Variants in ZCCHC7 observed in about 807,000 individuals in gnomAD.
ZCCHC7 encodes the protein zinc finger CCHC domain-containing protein 7.
ZCCHC7 carries 35 observed loss-of-function variants against 52.0 expected under a neutral mutation model. That is an observed-to-expected ratio of 0.67 (90% CI 0.51 to 0.89). The LOEUF (loss-of-function observed/expected upper bound fraction) is 0.89, where lower values mean the gene tolerates loss of function less well. Ranked by LOEUF, ZCCHC7 falls within the 40% of genes least tolerant of loss-of-function variation. The pLI, the probability that ZCCHC7 is intolerant of heterozygous loss-of-function variation, is 0.00. For missense variants in ZCCHC7, 574 were observed against 649.1 expected (o/e 0.88, Z 1.26); for synonymous variants, 217 against 221.5 (o/e 0.98, Z 0.18).
intron 5 of ZCCHC7, among the ~76,000 whole-genome samples, chr9:37,310,676 C>A (rs192734016): frequency 2.0e-5 from 3 of 152,230 alleles, no homozygotes; most frequent in Admixed American, 2.0e-4. Context: ...ATCTCCTACT[C>A]GGAGGATCTC....
chr9:37,152,702 A>G (rs946601420), intron 2 of ZCCHC7, among the ~76,000 whole-genome samples: 1 of 152,266 alleles, frequency 6.6e-6, no homozygotes, highest in Non-Finnish European at 1.5e-5. Context: ...CACATCAAGT[A>G]TAAAATGCTA....
chr9:37,167,966 G>A (rs1205320829), intron 2 of ZCCHC7, among the ~76,000 whole-genome samples: 2 of 152,060 alleles, frequency 1.3e-5, no homozygotes, highest in Non-Finnish European at 2.9e-5. Context: ...ACACTTTGCC[G>A]AATATTCAGA....
chr9:37,269,636 AAAAAAAAAAAC>A (rs1564214516), intron 2 of ZCCHC7, among the ~76,000 whole-genome samples: 8 of 148,512 alleles, frequency 5.4e-5, no homozygotes, highest in South Asian at 2.1e-4. Context: ...AAAAAAAAAA[AAAAAAAAAAAC>A]AAAAGAAGTT....
intron 2 of ZCCHC7, among the ~76,000 whole-genome samples, chr9:37,258,710 C>A (rs1332961761): frequency 7.9e-6 from 1 of 126,880 alleles, no homozygotes; most frequent in Non-Finnish European, 1.6e-5. Flanking sequence ...CGTGATTGTT[C>A]GTGCCACTGC....
At chr9:37,314,671 G>A (rs1381535211) in intron 5 of ZCCHC7, among the ~76,000 whole-genome samples, 1 of 151,628 alleles carries the variant, frequency 6.6e-6, no homozygotes, top group Non-Finnish European at 1.5e-5. Flanking sequence ...CTAGTACGTG[G>A]GAGGATGAAG....
intron 2 of ZCCHC7, among the ~76,000 whole-genome samples, chr9:37,229,643 C>G (rs533080592): frequency 6.6e-6 from 1 of 152,104 alleles, no homozygotes; most frequent in Non-Finnish European, 1.5e-5. Context: ...CTTTTAGAAC[C>G]AGAAGTTGCT....
At chr9:37,190,582 G>T (rs1024904943) in intron 2 of ZCCHC7, among the ~76,000 whole-genome samples, 1 of 152,228 alleles carries the variant, frequency 6.6e-6, no homozygotes, top group Non-Finnish European at 1.5e-5. Context: ...ACAAGGTAGT[G>T]TGTGCTTATT....
chr9:37,200,834 G>C (rs928358482), intron 2 of ZCCHC7, among the ~76,000 whole-genome samples: 12 of 152,204 alleles, frequency 7.9e-5, no homozygotes, highest in Non-Finnish European at 1.5e-4. Flanking sequence ...CCCTTCCCCT[G>C]TGACTCATAC....
chr9:37,175,258 A>G (rs375393271), intron 2 of ZCCHC7, among the ~76,000 whole-genome samples: 9 of 152,214 alleles, frequency 5.9e-5, no homozygotes, highest in East Asian at 1.9e-4. Context: ...ATTCCTTTTA[A>G]GCATGCAAAA....
chr9:37,327,807 A>G lies in ZCCHC7; in HGVS notation c.960A>G (p.Thr320=), dbSNP rs1830310252. ...ATATTTTTATTTTCCAGGCTTGCACAGAAATCTGGAGGCAGTATCACCTAA... is the reference window on the plus strand; with the variant it reads ...ATATTTTTATTTTCCAGGCTTGCACGGAAATCTGGAGGCAGTATCACCTAA... ...HMLGHYTDAC[T]EIWRQYHLTT... Residue 320 remains threonine (T), a synonymous_variant, in exon 6 of 9, where the codon ACA becomes ACG. Coordinates refer to ENST00000336755, the MANE Select transcript of ZCCHC7 (RefSeq NM_032226.3). The G allele has an allele frequency of 2.5e-6, 4 of 1,613,070 alleles. No individual in the cohort carries two copies. The highest frequency in any genetic ancestry group is 3.4e-6 in the Non-Finnish European group (4 of 1,179,364).
At position 37,354,566 on chromosome 9, in the gene ZCCHC7, C is replaced by A; in HGVS notation, c.1084-144C>A. 1 of 577,336 alleles carries A rather than the reference C, an allele frequency of 1.7e-6. No homozygotes were observed. Among genetic ancestry groups the A allele is most frequent in the Non-Finnish European group, 3.0e-6 (1 of 327,914 alleles). The allele number at this position is 577,336 out of a possible 1,614,324, so 35.8% of individuals were successfully genotyped here. On this transcript the variant is annotated intron_variant, in intron 7 of 8. Coordinates refer to ENST00000336755, the MANE Select transcript of ZCCHC7 (RefSeq NM_032226.3). The surrounding 1 kb of genome is among the most constrained non-coding windows in gnomAD (Gnocchi z 4.0). ...TAGGGCTGGGTGACCCTCCCAACAC[C>A]CCAGCAAGGACCATATCCTACAGCC...
intron 2 of ZCCHC7, among the ~76,000 whole-genome samples, chr9:37,135,534 A>G (rs964469602): frequency 6.6e-6 from 1 of 152,194 alleles, no homozygotes; most frequent in African/African-American, 2.4e-5. Flanking sequence ...ATTTTGTGTC[A>G]ATGTAGAGCT....
intron 2 of ZCCHC7, 151 bp downstream of exon 2, chr9:37,127,093 A>G: frequency 1.1e-6 from 1 of 882,334 alleles, no homozygotes; most frequent in South Asian, 1.7e-5. Context: ...CTCTCTTACC[A>G]GTGGCTACTC....
intron 2 of ZCCHC7, among the ~76,000 whole-genome samples, chr9:37,217,677 A>T (rs1050019104): frequency 5.9e-5 from 9 of 152,098 alleles, no homozygotes; most frequent in African/African-American, 2.2e-4. Context: ...CTCTTGTCTA[A>T]TTTTTCCCAA....
At chr9:37,120,885 T>C (rs117203785) in intron 1 of ZCCHC7, 17,127 of 191,232 alleles carry the variant, frequency 0.09, 992 homozygotes, top group Middle Eastern at 0.17. Flanking sequence ...GCTGGGCGTC[T>C]AGGGCCTCGG....
chr9:37,227,601 A>G (rs1475294142), intron 2 of ZCCHC7, among the ~76,000 whole-genome samples: 3 of 152,206 alleles, frequency 2.0e-5, no homozygotes, highest in Non-Finnish European at 4.4e-5. Context: ...TACCCAAGAG[A>G]ACTGAAAACA....
At chr9:37,284,718 G>A (rs1828129843) in intron 2 of ZCCHC7, among the ~76,000 whole-genome samples, 3 of 152,166 alleles carry the variant, frequency 2.0e-5, no homozygotes, top group Admixed American at 6.5e-5. Flanking sequence ...GGTATCTTAA[G>A]TTGGATTAAA....
intron 2 of ZCCHC7, among the ~76,000 whole-genome samples, chr9:37,235,331 G>C (rs1005356609): frequency 1.3e-5 from 2 of 151,960 alleles, no homozygotes; most frequent in Non-Finnish European, 2.9e-5. Flanking sequence ...TTTAAACTCC[G>C]TATATGGGAG....
intron 2 of ZCCHC7, among the ~76,000 whole-genome samples, chr9:37,216,927 TA>T: frequency 6.6e-6 from 1 of 152,294 alleles, no homozygotes; most frequent in South Asian, 2.1e-4. Context: ...TAATAATTAT[TA>T]AATTTGAAAT....
Sources: gnomAD v4.1 joint callset for allele counts (sites outside exome capture counted in the v4.1 genomes callset) on GRCh38, gnomAD v4.1.1 for gene constraint, Gnocchi (gnomAD v3.1) non-coding constraint, MANE v1.5 for transcripts, NCBI Gene and HGNC (gene_info 2026-07-23, HGNC 2026-07-21) for gene names.